The following ARHGAP6 variants were observed in gnomAD, a reference collection of about 807,000 sequenced individuals.
The protein encoded by ARHGAP6 is Rho GTPase activating protein 6, also known as rho GTPase-activating protein 6.
Under a neutral mutation model 55.7 loss-of-function variants are expected in ARHGAP6, and 16 were observed. The ratio of observed to expected loss-of-function variants is 0.29; its 90% CI spans 0.19 to 0.44. The LOEUF is 0.44. Among genes scored for constraint, ARHGAP6 ranks in the 20% least tolerant of loss-of-function variants. The pLI is 1.00. For missense variants in ARHGAP6, 698 were observed against 808.9 expected, an observed-to-expected ratio of 0.86 and a Z score of 1.66; for synonymous variants, 382 against 360.9, an observed-to-expected ratio of 1.06 and a Z score of -0.66.
At chrX:11,341,842 C>G (rs969002441) in intron 1 of ARHGAP6, among the ~76,000 whole-genome samples, 8 of 111,419 alleles carry the variant, frequency 7.2e-5, no homozygotes, top group African/African-American at 2.0e-4. Flanking sequence ...CTGAGAAACC[C>G]CATCCTATCA....
In ARHGAP6 at chrX:11,535,744, C is replaced by T. The variant is rs1185789536; in HGVS notation, c.588+128497G>A. ...TAACAGTGGCCTGGCTTACATCTGA[C>T]AGTAAGTACGATCCAAGATGGCCCT... is the stretch of plus-strand genomic sequence containing the variant. On this transcript the variant is annotated intron_variant, in intron 1 of 12. Transcript: ENST00000337414. 1.4e-4 allele frequency among the ~76,000 whole-genome samples: 7 copies of T among 51,348 alleles called. No homozygotes were observed. In the South Asian group the frequency reaches 3.7e-3, roughly 27 times the overall value. 44.6% of individuals were successfully genotyped at this position (51,348 alleles called of 115,157 possible).
chrX:11,240,861 G>A (rs1392708771), intron 2 of ARHGAP6, among the ~76,000 whole-genome samples: 1 of 102,908 alleles, frequency 9.7e-6, no homozygotes, highest in Non-Finnish European at 2.0e-5. Flanking sequence ...CCTGGGCAAC[G>A]TGCTGAAATC....
chrX:11,344,302 G>A (rs2048743295), intron 1 of ARHGAP6, among the ~76,000 whole-genome samples: 1 of 111,448 alleles, frequency 9.0e-6, no homozygotes, highest in Non-Finnish European at 1.9e-5. Context: ...CCTTGCGGGG[G>A]CAAATAGTCC....
At chrX:11,547,950 C>T (rs999995577) in intron 1 of ARHGAP6, among the ~76,000 whole-genome samples, 3 of 111,175 alleles carry the variant, frequency 2.7e-5, no homozygotes, top group Admixed American at 9.5e-5. Flanking sequence ...TGGCTGGCCA[C>T]TTTCTGGGAC....
At chrX:11,178,514 T>G (rs1602790558) in intron 7 of ARHGAP6, among the ~76,000 whole-genome samples, 1 of 111,185 alleles carries the variant, frequency 9.0e-6, no homozygotes, top group East Asian at 2.8e-4. Context: ...TCAATTTCCC[T>G]TACTTTCTTC....
intron 1 of ARHGAP6, among the ~76,000 whole-genome samples, chrX:11,434,718 G>C (rs1287212297): frequency 9.0e-6 from 1 of 111,243 alleles, no homozygotes; most frequent in Non-Finnish European, 1.9e-5. Context: ...AACATATAAG[G>C]CAAATGTTAA....
chrX:11,182,211 G>T, intron 5 of ARHGAP6, 93 bp from the exon 6 acceptor site: 1 of 674,280 alleles, frequency 1.5e-6, no homozygotes, highest in Non-Finnish European at 2.3e-6. Flanking sequence ...GCACAGTGCC[G>T]TAACATGTAG....
intron 2 of ARHGAP6, among the ~76,000 whole-genome samples, chrX:11,231,174 T>C (rs911137521): frequency 1.8e-5 from 2 of 112,401 alleles, no homozygotes; most frequent in African/African-American, 6.5e-5. Context: ...GACAGGTAAC[T>C]TTAATTTACA....
At chrX:11,649,089 A>G (rs758722118) in intron 1 of ARHGAP6, among the ~76,000 whole-genome samples, 29 of 112,317 alleles carry the variant, frequency 2.6e-4, no homozygotes, top group Non-Finnish European at 4.7e-4. Flanking sequence ...ATCAAGGGGT[A>G]GACTCTTTTT....
intron 1 of ARHGAP6, among the ~76,000 whole-genome samples, chrX:11,563,302 T>A (rs780454938): frequency 1.8e-5 from 2 of 109,969 alleles, no homozygotes; most frequent in Admixed American, 9.8e-5. Context: ...AGAGTTGGAA[T>A]ATCCACTTAT....
intron 1 of ARHGAP6, among the ~76,000 whole-genome samples, chrX:11,406,317 A>G (rs2049607994): frequency 9.0e-6 from 1 of 111,674 alleles, no homozygotes; most frequent in Non-Finnish European, 1.9e-5. Context: ...GCAACAGACT[A>G]AAGAAGACTA....
At chrX:11,313,713 T>C (rs761799885) in intron 1 of ARHGAP6, among the ~76,000 whole-genome samples, 6 of 112,456 alleles carry the variant, frequency 5.3e-5, no homozygotes, top group Admixed American at 9.4e-5. Context: ...GGCTTCACAA[T>C]TAGAAAGATT....
chrX:11,298,182 T>C (rs1267376409), intron 1 of ARHGAP6: 9 of 1,208,416 alleles, frequency 7.4e-6, no homozygotes, highest in Non-Finnish European at 9.0e-6. Flanking sequence ...TGAGTTTCTA[T>C]ATTGGATGAA....
At chrX:11,164,367 C>A (rs1350552632) in intron 9 of ARHGAP6, among the ~76,000 whole-genome samples, 1 of 111,590 alleles carries the variant, frequency 9.0e-6, no homozygotes, top group African/African-American at 3.3e-5. Flanking sequence ...AACCCTGGCA[C>A]GTAGACAGTG....
chrX:11,223,631 TTA>T, intron 2 of ARHGAP6, among the ~76,000 whole-genome samples: 1 of 112,134 alleles, frequency 8.9e-6, no homozygotes, highest in South Asian at 3.7e-4. Context: ...AGGGACAACC[TTA>T]TGTCGTAAAT....
chrX:11,446,597 CT>C (rs1361851565), intron 1 of ARHGAP6, among the ~76,000 whole-genome samples: 1 of 111,166 alleles, frequency 9.0e-6, no homozygotes, highest in Non-Finnish European at 1.9e-5. Context: ...CTTTTCTGTC[CT>C]ACCAACGTGC....
At chrX:11,397,076 C>T (rs1216672703) in intron 1 of ARHGAP6, among the ~76,000 whole-genome samples, 1 of 111,274 alleles carries the variant, frequency 9.0e-6, no homozygotes, top group Non-Finnish European at 1.9e-5. Flanking sequence ...GATGCCCCTG[C>T]CTGTAAGAAC....
At chrX:11,203,370 T>C (rs2238899) in intron 2 of ARHGAP6, among the ~76,000 whole-genome samples, 27,433 of 110,898 alleles carry the variant, frequency 0.25, 2,729 homozygotes, top group African/African-American at 0.35. Context: ...GTGCCATTTT[T>C]CTAACAAACT....
At chrX:11,205,304 T>C (rs2046690145) in intron 2 of ARHGAP6, among the ~76,000 whole-genome samples, 1 of 111,627 alleles carries the variant, frequency 9.0e-6, no homozygotes, top group Admixed American at 9.5e-5. Context: ...CTGTACAGTG[T>C]AGGATGCTTA....
Sources: gnomAD v4.1 joint callset for allele counts (sites outside exome capture counted in the v4.1 genomes callset) on GRCh38, gnomAD v4.1.1 for gene constraint, MANE v1.5 for transcripts, NCBI Gene and HGNC (gene_info 2026-07-23, HGNC 2026-07-21) for gene names.